Variants in ZFAT observed in about 807,000 individuals in gnomAD.
ZFAT encodes the protein zinc finger protein ZFAT.
Under a neutral mutation model 117.7 loss-of-function variants are expected in ZFAT, and 64 were observed. The ratio of observed to expected loss-of-function variants is 0.54; its 90% CI spans 0.44 to 0.67. The LOEUF (loss-of-function observed/expected upper bound fraction) is 0.67, where lower values mean the gene tolerates loss of function less well. ZFAT is among the 30% of genes least tolerant of loss of function. ZFAT has a pLI of 0.00. For synonymous variants in ZFAT, 679 were observed against 615.0 expected, an observed-to-expected ratio of 1.10 and a Z score of -1.54; for missense variants, 1,433 against 1,584.5, an observed-to-expected ratio of 0.90 and a Z score of 1.62.
intron 15 of ZFAT, among the ~76,000 whole-genome samples, chr8:134,494,792 G>A (rs752685052): frequency 6.6e-6 from 1 of 152,102 alleles, no homozygotes; most frequent in Non-Finnish European, 1.5e-5. Flanking sequence ...CAAACTTATC[G>A]AGGTAAGTTC....
the ZFAT span, among the ~76,000 whole-genome samples, chr8:134,788,412 C>A: frequency 6.6e-6 from 1 of 152,062 alleles, no homozygotes; most frequent in Non-Finnish European, 1.5e-5. Context: ...AGAGTAGTTG[C>A]GGGTTTCTCT....
At chr8:134,539,459 C>T (rs1563824388) in intron 11 of ZFAT, among the ~76,000 whole-genome samples, 5 of 152,294 alleles carry the variant, frequency 3.3e-5, no homozygotes, top group African/African-American at 1.2e-4. Context: ...GATAAGCCTA[C>T]CTTGGAGAGG....
At chr8:134,647,052 G>A (rs1477846849) in intron 2 of ZFAT, among the ~76,000 whole-genome samples, 1 of 151,996 alleles carries the variant, frequency 6.6e-6, no homozygotes, top group Non-Finnish European at 1.5e-5. Context: ...ATTTTGTAAG[G>A]CCAAAGCTAG....
At chr8:134,596,992 TAAA>T (rs199585160) in intron 7 of ZFAT, among the ~76,000 whole-genome samples, 122 of 144,336 alleles carry the variant, frequency 8.5e-4, no homozygotes, top group South Asian at 3.2e-3. Context: ...GTGGATATAC[TAAA>T]AAAAAAAAAA....
chr8:134,697,225 C>T (rs67506289), intron 1 of ZFAT, among the ~76,000 whole-genome samples: 42,741 of 151,820 alleles, frequency 0.28, 6,359 homozygotes, highest in East Asian at 0.4. Context: ...AGCAATTATC[C>T]GCCTCAGCCT....
intron 15 of ZFAT, among the ~76,000 whole-genome samples, chr8:134,509,216 TG>T (rs1430306524): frequency 1.3e-5 from 2 of 152,196 alleles, no homozygotes; most frequent in Non-Finnish European, 2.9e-5. Context: ...GCCAGTCCAC[TG>T]GGAAATCCTC....
At chr8:134,628,691 C>A (rs954833915) in intron 3 of ZFAT, among the ~76,000 whole-genome samples, 9 of 152,170 alleles carry the variant, frequency 5.9e-5, no homozygotes, top group African/African-American at 2.2e-4. Context: ...ATTAATACAG[C>A]AGTCTATGTA....
At position 134,653,270 on chromosome 8, in the gene ZFAT, T is replaced by TA. The variant is rs374514584; in HGVS notation, c.196+4290dup. On this transcript the variant is annotated intron_variant, in intron 2 of 15. Coordinates refer to ENST00000377838, the MANE Select transcript of ZFAT (RefSeq NM_020863.4). The stretch of plus-strand genomic sequence containing the variant: ...TTGGAACCAACCCAAATGTCTTTTT[T>TA]AAAAAAAAAAAAAAAAAAAAACAAA... Among the ~76,000 whole-genome samples, 268 of 91,784 alleles carry TA rather than the reference T, an allele frequency of 2.9e-3. 1 individual carries two copies. Among genetic ancestry groups the TA allele is most frequent in the Admixed American group, 4.6e-3 (38 of 8,196 alleles). The allele number at this position is 91,784 out of a possible 152,430, so 60.2% of individuals were successfully genotyped here. A position where few individuals can be genotyped will look rare whatever the true frequency, so the allele number is the denominator to read the frequency against.
At chr8:134,732,678 G>T in the ZFAT span, among the ~76,000 whole-genome samples, 2 of 152,196 alleles carry the variant, frequency 1.3e-5, no homozygotes, top group Non-Finnish European at 2.9e-5. Flanking sequence ...GTTTCAGAAA[G>T]GAATGCATAT....
chr8:134,822,398 G>A, the ZFAT span, among the ~76,000 whole-genome samples: 1 of 151,830 alleles, frequency 6.6e-6, no homozygotes, highest in Non-Finnish European at 1.5e-5. Flanking sequence ...GCATACTCTG[G>A]ACACCCTAGT....
chr8:134,708,655 T>A (rs1019868386), intron 1 of ZFAT, among the ~76,000 whole-genome samples: 6 of 151,684 alleles, frequency 4.0e-5, no homozygotes, highest in Admixed American at 2.0e-4. Flanking sequence ...TTTTCTCTTT[T>A]AAAAAAAAAT....
the ZFAT span, among the ~76,000 whole-genome samples, chr8:134,827,551 T>C: frequency 6.6e-6 from 1 of 152,098 alleles, no homozygotes; most frequent in Non-Finnish European, 1.5e-5. Flanking sequence ...GCGGATCACC[T>C]GAGGTCAGGA....
intron 7 of ZFAT, chr8:134,598,923 G>A (rs1434599824): frequency 6.6e-6 from 1 of 152,188 alleles, no homozygotes; most frequent in Non-Finnish European, 1.5e-5. Flanking sequence ...GGTAAATAGG[G>A]AGCCAGGGTG....
intron 4 of ZFAT, 76 bp downstream of exon 4, chr8:134,610,394 G>T: frequency 6.8e-7 from 1 of 1,474,266 alleles, no homozygotes; most frequent in South Asian, 1.4e-5. Flanking sequence ...TTCTGACTCA[G>T]ACTGTGACAT....
At chr8:134,678,748 C>G (rs942283841) in intron 1 of ZFAT, among the ~76,000 whole-genome samples, 1 of 152,048 alleles carries the variant, frequency 6.6e-6, no homozygotes, top group Admixed American at 6.6e-5. Context: ...GATATATAGA[C>G]CAATGGAACA....
At chr8:134,523,241 G>A (rs1199630050) in intron 12 of ZFAT, among the ~76,000 whole-genome samples, 1 of 152,272 alleles carries the variant, frequency 6.6e-6, no homozygotes, top group East Asian at 1.9e-4. Context: ...GGGTGGCTGG[G>A]CCCTCCTACT....
At chr8:134,613,384 A>G (rs1586818502) in intron 3 of ZFAT, among the ~76,000 whole-genome samples, 1 of 152,206 alleles carries the variant, frequency 6.6e-6, no homozygotes, top group South Asian at 2.1e-4. Flanking sequence ...TGCTTTAGGC[A>G]TTGTATGTTA....
chr8:134,598,779 C>G (rs1827165311), intron 7 of ZFAT: 1 of 152,178 alleles, frequency 6.6e-6, no homozygotes, highest in East Asian at 1.9e-4. Flanking sequence ...GATAATAGTC[C>G]ATGACACACA....
chr8:134,602,374 G>A lies in ZFAT; in HGVS notation c.1345C>T (p.Leu449=). 6.2e-7 allele frequency: 1 copy of A among 1,613,860 alleles called. No homozygotes were observed. The highest frequency in any genetic ancestry group is 1.3e-5 in the African/African-American group (1 of 75,072). The change falls in exon 6 of 16, where the codon CTG becomes TTG. Residue 449 remains leucine (L), a synonymous_variant. Transcript: ENST00000377838. ...HGATKYQALE[L]HVRKHPFVYV... is the part of the protein sequence containing the mutation. ...ACGAAGGGGTGCTTCCTGACATGCAGTTCCAGCGCCTGGTACTTGGTGGCC... is the reference window on the plus strand; with the variant it reads ...ACGAAGGGGTGCTTCCTGACATGCAATTCCAGCGCCTGGTACTTGGTGGCC...
Sources: allele counts gnomAD v4.1 joint callset (sites outside exome capture counted in the v4.1 genomes callset), GRCh38; gene constraint gnomAD v4.1.1; transcripts MANE v1.5; gene names NCBI Gene and HGNC (gene_info 2026-07-23, HGNC 2026-07-21).